PRKN: variants seen among roughly 807,000 people sequenced by gnomAD.
PRKN encodes the protein parkin RBR E3 ubiquitin protein ligase.
Under a neutral mutation model 59.5 loss-of-function variants are expected in PRKN, and 56 were observed. The ratio of observed to expected loss-of-function variants is 0.94; its 90% CI spans 0.76 to 1.18. PRKN has a LOEUF of 1.18. Among genes scored for constraint, PRKN ranks in the 50% most tolerant of loss-of-function variants. PRKN has a pLI of 0.00. For synonymous variants in PRKN, 250 were observed against 222.1 expected (o/e 1.13, Z -1.12); for missense variants, 657 against 596.4 (o/e 1.10, Z -1.06).
In PRKN at chr6:161,354,612, A is replaced by T. The variant is rs117526904; in HGVS notation, c.1286-4401T>A. Among the ~76,000 whole-genome samples, 853 of 152,214 alleles carry T rather than the reference A, an allele frequency of 5.6e-3. 7 individuals are homozygous for T. Among genetic ancestry groups the T allele is most frequent in the Non-Finnish European group, 8.4e-3 (573 of 68,012 alleles). On this transcript the variant is annotated intron_variant, in intron 11 of 11. Coordinates refer to ENST00000366898, the MANE Select transcript of PRKN (RefSeq NM_004562.3). The surrounding 1 kb of genome is among the most constrained non-coding windows in gnomAD (Gnocchi z 6.7). ...GGGTTTAGCCTGTGCTTAAAATGGA[A>T]ATTCCTCGCATTCTCATTTCAGCTT... is the stretch of plus-strand genomic sequence containing the variant.
intron 2 of PRKN, among the ~76,000 whole-genome samples, chr6:162,355,569 C>T (rs1784820822): frequency 6.6e-6 from 1 of 151,828 alleles, no homozygotes; most frequent in Admixed American, 6.6e-5. Context: ...AAACAAAAAC[C>T]ATTTACCTAA....
intron 7 of PRKN, among the ~76,000 whole-genome samples, chr6:161,764,199 C>T (rs1789326955): frequency 6.6e-6 from 1 of 152,180 alleles, no homozygotes; most frequent in African/African-American, 2.4e-5. Context: ...TCCGTTTCTT[C>T]CATCTCTTAT....
At chr6:162,360,293 G>C (rs989284576) in intron 2 of PRKN, among the ~76,000 whole-genome samples, 1 of 152,092 alleles carries the variant, frequency 6.6e-6, no homozygotes, top group Non-Finnish European at 1.5e-5. Flanking sequence ...TTGAACTGCA[G>C]TAAGGTGTTC....
chr6:162,407,354 G>T (rs545115744), intron 2 of PRKN, among the ~76,000 whole-genome samples: 1 of 152,166 alleles, frequency 6.6e-6, no homozygotes, highest in Non-Finnish European at 1.5e-5. Flanking sequence ...TCATAACGTT[G>T]TACAAAGAGG....
In PRKN at chr6:161,759,187, C is replaced by A. The variant is rs953838471; in HGVS notation, c.871+26585G>T. 8.8e-4 allele frequency among the ~76,000 whole-genome samples: 118 copies of A among 134,820 alleles called. No individual in the cohort carries two copies. The East Asian group carries it at 0.025, about 28-fold the overall frequency. 88.4% of individuals were successfully genotyped at this position (134,820 alleles called of 152,430 possible). ...TGAGACTGTTTAAAAAAAAAAAAAA[C>A]AAAATTAAAACAAGAGATAATCTCT... On this transcript the variant is annotated intron_variant, in intron 7 of 11. Coordinates refer to ENST00000366898, the MANE Select transcript of PRKN (RefSeq NM_004562.3).
rs1486291439 is a variant in PRKN, at chr6:161,533,926, G to T, written c.1083+14928C>A. On this transcript the variant is annotated intron_variant, in intron 9 of 11. Coordinates refer to ENST00000366898, the MANE Select transcript of PRKN (RefSeq NM_004562.3). This position sits in a 1 kb window ranked among gnomAD's most constrained non-coding sequence, Gnocchi z 4.1. The stretch of plus-strand genomic sequence containing the variant: ...GATTCCTGTTTTATAAGGTAGGAAG[G>T]CTGTATATTCACACGACACTCGCCG... Among the ~76,000 whole-genome samples the T allele has an allele frequency of 6.6e-6, 1 of 152,052 alleles. No homozygotes were observed. Among genetic ancestry groups the T allele is most frequent in the African/African-American group, 2.4e-5 (1 of 41,378 alleles).
At chr6:162,194,975 A>G (rs1784433073) in intron 4 of PRKN, among the ~76,000 whole-genome samples, 1 of 151,502 alleles carries the variant, frequency 6.6e-6, no homozygotes, top group African/African-American at 2.5e-5. Flanking sequence ...CTCGTGGCAG[A>G]ACAGATGGTG....
intron 6 of PRKN, among the ~76,000 whole-genome samples, chr6:161,797,981 C>T (rs1278859262): frequency 6.6e-6 from 1 of 152,152 alleles, no homozygotes; most frequent in Non-Finnish European, 1.5e-5. Flanking sequence ...GTGGGTGGAT[C>T]ACCAGGTGAG....
chr6:161,950,267 G>A (rs1056675375), intron 6 of PRKN, among the ~76,000 whole-genome samples: 3 of 152,162 alleles, frequency 2.0e-5, no homozygotes, highest in South Asian at 2.1e-4. Context: ...ATCTTTGGCC[G>A]GGTGTGGTGG....
chr6:161,909,213 G>A (rs1176446935), intron 6 of PRKN, among the ~76,000 whole-genome samples: 2 of 152,158 alleles, frequency 1.3e-5, no homozygotes, highest in Non-Finnish European at 2.9e-5. Flanking sequence ...TCATGAGAAG[G>A]CATTTTGTTT....
At chr6:161,721,050 A>G (rs2128185306) in intron 7 of PRKN, among the ~76,000 whole-genome samples, 1 of 152,336 alleles carries the variant, frequency 6.6e-6, no homozygotes, top group Non-Finnish European at 1.5e-5. Context: ...TTTGATATGA[A>G]TAAGATGAAG....
In PRKN at chr6:162,503,615, T is replaced by C. The variant is rs139624694; in HGVS notation, c.8-60142A>G. The stretch of plus-strand genomic sequence containing the variant: ...AAAGTATAACCAAGCAATAGGAAGA[T>C]AGTTTAGTATTTAAACCATTTGAAT... On this transcript the variant is annotated intron_variant, in intron 1 of 11. Transcript: ENST00000366898. Among the ~76,000 whole-genome samples, 35 of 152,318 alleles carry C rather than the reference T, an allele frequency of 2.3e-4. No homozygotes were observed. The East Asian group carries it at 2.7e-3, about 12-fold the overall frequency.
intron 7 of PRKN, among the ~76,000 whole-genome samples, chr6:161,652,432 T>G (rs1211396932): frequency 1.3e-5 from 2 of 152,184 alleles, no homozygotes; most frequent in African/African-American, 4.8e-5. Context: ...TAAATGAAGG[T>G]CTATCAAGTA....
At chr6:161,671,824 A>C (rs951429439) in intron 7 of PRKN, among the ~76,000 whole-genome samples, 1 of 152,194 alleles carries the variant, frequency 6.6e-6, no homozygotes, top group Non-Finnish European at 1.5e-5. Context: ...GTTATTACCC[A>C]GTCCCTTGGT....
rs1787510220 is a variant in PRKN at position 161,410,919 on chromosome 6, T to C, written c.1084-24042A>G. On this transcript the variant is annotated intron_variant, in intron 9 of 11. Coordinates refer to ENST00000366898, the MANE Select transcript of PRKN (RefSeq NM_004562.3). The surrounding 1 kb of genome is among the most constrained non-coding windows in gnomAD (Gnocchi z 5.3). The stretch of plus-strand genomic sequence containing the variant: ...AGGGCCACTCGATGGTTTGATCATG[T>C]TTACAAAATCTGGCTAAACAGGAAG... 6.6e-6 allele frequency among the ~76,000 whole-genome samples: 1 copy of C among 152,138 alleles called. No individual in the cohort carries two copies. Among genetic ancestry groups the C allele is most frequent in the Non-Finnish European group, 1.5e-5 (1 of 68,020 alleles).
chr6:162,542,213 A>T (rs1328980834), intron 1 of PRKN, among the ~76,000 whole-genome samples: 1 of 152,082 alleles, frequency 6.6e-6, no homozygotes, highest in African/African-American at 2.4e-5. Context: ...TTTTCCTTTG[A>T]TGTCTAGATA....
At chr6:161,756,306 G>A (rs558841919) in intron 7 of PRKN, among the ~76,000 whole-genome samples, 1 of 151,932 alleles carries the variant, frequency 6.6e-6, no homozygotes, top group African/African-American at 2.4e-5. Flanking sequence ...GCCAGGCATG[G>A]TCGTGCACAC....
At chr6:162,158,027 T>A (rs923168713) in intron 4 of PRKN, among the ~76,000 whole-genome samples, 6 of 152,064 alleles carry the variant, frequency 3.9e-5, no homozygotes, top group African/African-American at 1.5e-4. Flanking sequence ...GTCTGCTGTT[T>A]TCAGCCACCT....
At chr6:162,238,424 T>C (rs556226892) in intron 3 of PRKN, among the ~76,000 whole-genome samples, 2 of 152,346 alleles carry the variant, frequency 1.3e-5, no homozygotes, top group Admixed American at 1.3e-4. Context: ...CAGAAGTATG[T>C]TGTCATTAAG....
Sources: gnomAD v4.1 joint callset for allele counts (sites outside exome capture counted in the v4.1 genomes callset) on GRCh38, gnomAD v4.1.1 for gene constraint, Gnocchi (gnomAD v3.1) non-coding constraint, MANE v1.5 for transcripts, NCBI Gene and HGNC (gene_info 2026-07-23, HGNC 2026-07-21) for gene names.